The following EYA2 variants were observed in gnomAD, a reference collection of about 807,000 sequenced individuals.
EYA2 encodes the protein protein phosphatase EYA2.
EYA2 carries 31 observed loss-of-function variants against 69.2 expected under a neutral mutation model. The ratio of observed to expected loss-of-function variants is 0.45; its 90% CI spans 0.34 to 0.60. The LOEUF (loss-of-function observed/expected upper bound fraction) is 0.60. Ranked by LOEUF, EYA2 falls within the 20% of genes least tolerant of loss-of-function variation. The pLI is 0.02. For synonymous variants in EYA2, 257 were observed against 279.4 expected, an observed-to-expected ratio of 0.92 and a Z score of 0.80; for missense variants, 622 against 701.2, an observed-to-expected ratio of 0.89 and a Z score of 1.28.
chr20:46,959,346 G>A (rs1051477935), intron 1 of EYA2, among the ~76,000 whole-genome samples: 8 of 152,162 alleles, frequency 5.3e-5, no homozygotes, highest in Non-Finnish European at 1.0e-4. Context: ...CTTTGTTGGG[G>A]GTGGGGGCTG....
At chr20:47,044,871 T>C (rs1006206432) in intron 5 of EYA2, among the ~76,000 whole-genome samples, 1 of 152,124 alleles carries the variant, frequency 6.6e-6, no homozygotes, top group Admixed American at 6.5e-5. Flanking sequence ...CAAGGAAGCA[T>C]AAATACACTG....
At chr20:46,950,027 A>G (rs552553262) in intron 1 of EYA2, among the ~76,000 whole-genome samples, 3 of 152,226 alleles carry the variant, frequency 2.0e-5, no homozygotes, top group Non-Finnish European at 4.4e-5. Context: ...TTCTGGTTCC[A>G]TAGCCTGTGT....
At chr20:46,962,772 A>T (rs1292846327) in intron 1 of EYA2, among the ~76,000 whole-genome samples, 1 of 152,194 alleles carries the variant, frequency 6.6e-6, no homozygotes, top group African/African-American at 2.4e-5. Context: ...CCTGAAGCAG[A>T]CACTCTCAGG....
At position 47,169,142 on chromosome 20, in the gene EYA2, T is replaced by G. The variant is rs2034266439; in HGVS notation, c.982T>G (p.Cys328Gly). 6.2e-7 allele frequency: 1 copy of G among 1,613,728 alleles called. No individual in the cohort carries two copies. The highest frequency in any genetic ancestry group is 1.3e-5 in the African/African-American group (1 of 74,916). Reference protein sequence around the residue: ...THLFFNDLEDCDQIHVDDVSS... With the variant: ...THLFFNDLEDGDQIHVDDVSS... ...CTCTCTGTCAAATTTTCCATAGGAT[T>G]GTGACCAGATCCACGTTGATGACGT... is the stretch of plus-strand genomic sequence containing the variant. Residue 328 changes from cysteine to glycine, a missense_variant, in exon 11 of 16, where the codon TGT (cysteine) becomes GGT (glycine). Cys to Gly is a radical substitution (Grantham distance 159). Coordinates refer to ENST00000327619, the MANE Select transcript of EYA2 (RefSeq NM_005244.5).
chr20:46,933,827 G>A (rs1360421922), intron 1 of EYA2, among the ~76,000 whole-genome samples: 2 of 152,262 alleles, frequency 1.3e-5, no homozygotes, highest in Admixed American at 1.3e-4. Flanking sequence ...CCGGGGCCCA[G>A]AGAGTAATGA....
At chr20:47,004,399 T>G (rs915142303) in intron 3 of EYA2, among the ~76,000 whole-genome samples, 2 of 152,208 alleles carry the variant, frequency 1.3e-5, no homozygotes, top group Admixed American at 1.3e-4. Context: ...AGAAGGTATC[T>G]AAATTAGGAC....
chr20:46,955,711 C>G (rs1979082684), intron 1 of EYA2, among the ~76,000 whole-genome samples: 1 of 152,182 alleles, frequency 6.6e-6, no homozygotes, highest in South Asian at 2.1e-4. Flanking sequence ...CTAGTCTCCA[C>G]TTTCATAATC....
chr20:46,958,588 G>T (rs530077979), intron 1 of EYA2, among the ~76,000 whole-genome samples: 9 of 152,250 alleles, frequency 5.9e-5, no homozygotes, highest in Non-Finnish European at 1.2e-4. Flanking sequence ...TACGTGTGCA[G>T]GTTCGTTCTA....
In EYA2 at chr20:47,174,855, T is replaced by C. The variant is rs77219556; in HGVS notation, c.1198+1988T>C. Among the ~76,000 whole-genome samples the C allele has an allele frequency of 3.3e-5, 5 of 152,296 alleles. No homozygotes were observed. In the East Asian group the frequency reaches 5.8e-4, roughly 18 times the overall value. On this transcript the variant is annotated intron_variant, in intron 12 of 15. Coordinates refer to ENST00000327619, the MANE Select transcript of EYA2 (RefSeq NM_005244.5). The stretch of plus-strand genomic sequence containing the variant: ...TCCCAGGCTGGGTGACTGCACCACC[T>C]CTGCCCTTCAGGGCCACACTTGGTG...
intron 9 of EYA2, among the ~76,000 whole-genome samples, chr20:47,108,199 G>A (rs2032645560): frequency 6.6e-6 from 1 of 152,232 alleles, no homozygotes. Flanking sequence ...GGGCCTAAAG[G>A]GAGGTGTTTG....
chr20:47,062,667 G>A (rs921094507), intron 5 of EYA2, among the ~76,000 whole-genome samples: 1 of 152,138 alleles, frequency 6.6e-6, no homozygotes, highest in African/African-American at 2.4e-5. Flanking sequence ...TCAGATCTCG[G>A]GTTCGTGTTA....
In EYA2 at chr20:47,081,024, G is replaced by A. The variant is rs188060585; in HGVS notation, c.661+6689G>A. On this transcript the variant is annotated intron_variant, in intron 7 of 15. Transcript: ENST00000327619. ...GGACTACAGGTGTGTGCCACCATGC[G>A]CAGCTAATTTTTAAATTTTTTGTAG... 1.5e-4 allele frequency among the ~76,000 whole-genome samples: 23 copies of A among 152,106 alleles called. No individual in the cohort carries two copies. In the South Asian group the frequency reaches 1.7e-3, roughly 11 times the overall value.
intron 1 of EYA2, among the ~76,000 whole-genome samples, chr20:46,914,962 T>G (rs1190214620): frequency 1.3e-5 from 2 of 152,208 alleles, no homozygotes; most frequent in Non-Finnish European, 1.5e-5. Flanking sequence ...CAGGGGGCCG[T>G]GCGTGGGACA....
At chr20:47,092,413 G>A (rs959809545) in intron 8 of EYA2, among the ~76,000 whole-genome samples, 9 of 152,152 alleles carry the variant, frequency 5.9e-5, no homozygotes, top group African/African-American at 2.2e-4. Context: ...GTGGGTTTAG[G>A]CCTTTGCAAA....
chr20:46,946,438 T>C (rs1407122922), intron 1 of EYA2, among the ~76,000 whole-genome samples: 2 of 152,210 alleles, frequency 1.3e-5, no homozygotes, highest in Non-Finnish European at 2.9e-5. Context: ...GCTGTTGCCC[T>C]ATTTACTTTA....
At chr20:47,183,787 G>A in intron 15 of EYA2, among the ~76,000 whole-genome samples, 1 of 152,122 alleles carries the variant, frequency 6.6e-6, no homozygotes, top group South Asian at 2.1e-4. Flanking sequence ...AGAAAATCCT[G>A]CATTTGTGAT....
chr20:47,114,311 A>G (rs2146545599), intron 9 of EYA2, among the ~76,000 whole-genome samples: 1 of 152,280 alleles, frequency 6.6e-6, no homozygotes, highest in East Asian at 1.9e-4. Context: ...TCCTCTTCAG[A>G]AGGCATGAAA....
chr20:46,951,106 A>G (rs1361313828), intron 1 of EYA2, among the ~76,000 whole-genome samples: 1 of 152,138 alleles, frequency 6.6e-6, no homozygotes, highest in Non-Finnish European at 1.5e-5. Context: ...TGGAAATGGT[A>G]TTTGCCGAAG....
chr20:47,149,576 G>T (rs2033776901), intron 10 of EYA2, among the ~76,000 whole-genome samples: 1 of 151,576 alleles, frequency 6.6e-6, no homozygotes, highest in Non-Finnish European at 1.5e-5. Flanking sequence ...AGGCACGATG[G>T]CTCATGCCTG....
Sources: gnomAD v4.1 joint callset for allele counts (sites outside exome capture counted in the v4.1 genomes callset) on GRCh38, gnomAD v4.1.1 for gene constraint, MANE v1.5 for transcripts, NCBI Gene and HGNC (gene_info 2026-07-23, HGNC 2026-07-21) for gene names.